GRB10: variants seen among roughly 807,000 people sequenced by gnomAD.
The protein encoded by GRB10 is growth factor receptor-bound protein 10.
A neutral mutation model predicts 80.9 loss-of-function variants in GRB10; 20 were observed. The observed-to-expected ratio is 0.25, with a 90% CI of 0.17 to 0.36. GRB10 has a LOEUF of 0.36. Among genes scored for constraint, GRB10 ranks in the 10% least tolerant of loss-of-function variants. The pLI, the probability that GRB10 is intolerant of heterozygous loss-of-function variation, is 1.00. For missense variants in GRB10, 548 were observed against 747.7 expected (o/e 0.73, Z 3.12); for synonymous variants, 291 against 291.5 (o/e 1.00, Z 0.02).
chr7:50,603,275 A>G (rs2047933484), intron 17 of GRB10, among the ~76,000 whole-genome samples: 1 of 152,122 alleles, frequency 6.6e-6, no homozygotes, highest in Non-Finnish European at 1.5e-5. Context: ...CCCTGTCCCT[A>G]TATCCACACT....
chr7:50,620,617 C>A (rs2051530081), intron 8 of GRB10, among the ~76,000 whole-genome samples: 1 of 152,198 alleles, frequency 6.6e-6, no homozygotes, highest in Non-Finnish European at 1.5e-5. Flanking sequence ...CTCCCCGTGG[C>A]TGCCAGAAAG....
In GRB10 at chr7:50,782,173, T is replaced by A. The variant is rs2078353065; in HGVS notation, c.-327+251A>T. On this transcript the variant is annotated intron_variant, in intron 1 of 18. Transcript: ENST00000401949. This position sits in a 1 kb window ranked among gnomAD's most constrained non-coding sequence, Gnocchi z 6.6. ...TACTCGTTACATAATATTAAACAAT[T>A]AAGATTAAAAATGGTTACATAATAC... Among the ~76,000 whole-genome samples, 1 of 152,106 alleles carries A rather than the reference T, an allele frequency of 6.6e-6. No individual in the cohort carries two copies. Among genetic ancestry groups the A allele is most frequent in the African/African-American group, 2.4e-5 (1 of 41,432 alleles).
At position 50,642,354 on chromosome 7, in the gene GRB10, GCA is replaced by G. The variant is rs1304967390; in HGVS notation, c.505-15378_505-15377del. The stretch of plus-strand genomic sequence containing the variant: ...CACATATGCATACAGATACACAAAT[GCA>G]CACACATATATGCCGTATACACCTA... On this transcript the variant is annotated intron_variant, in intron 7 of 18. Coordinates refer to ENST00000401949, the MANE Select transcript of GRB10 (RefSeq NM_001350814.2). Among the ~76,000 whole-genome samples, 3 of 151,206 alleles carry G rather than the reference GCA, an allele frequency of 2.0e-5. No homozygotes were observed. In the East Asian group the frequency reaches 5.8e-4, roughly 29 times the overall value.
rs77946916 is a variant in GRB10 at position 50,660,625 on chromosome 7, C to A, written c.504+9097G>T. Reference sequence around the variant, plus strand: ...CCACACCGTGGCCTCTCGGTGCAGACGGGAAATGGTTACAGGCAGGTGGCT... The same window carrying A: ...CCACACCGTGGCCTCTCGGTGCAGAAGGGAAATGGTTACAGGCAGGTGGCT... On this transcript the variant is annotated intron_variant, in intron 7 of 18. Coordinates refer to ENST00000401949, the MANE Select transcript of GRB10 (RefSeq NM_001350814.2). Among the ~76,000 whole-genome samples, 888 of 152,190 alleles carry A rather than the reference C, an allele frequency of 5.8e-3. 12 individuals are homozygous for A. The highest frequency in any genetic ancestry group is 0.021 in the African/African-American group (857 of 41,508).
intron 7 of GRB10, among the ~76,000 whole-genome samples, chr7:50,637,816 G>A (rs1031309496): frequency 1.4e-5 from 2 of 145,328 alleles, no homozygotes; most frequent in Non-Finnish European, 3.0e-5. Context: ...CATGGCTCAA[G>A]GAACTAAAAC....
chr7:50,776,725 G>GGA (rs2077692264), intron 2 of GRB10, among the ~76,000 whole-genome samples: 1 of 152,184 alleles, frequency 6.6e-6, no homozygotes, highest in South Asian at 2.1e-4. Context: ...TTGCGCCTTT[G>GGA]TAGCAAGGAC....
At chr7:50,777,372 C>T (rs905233217) in intron 2 of GRB10, among the ~76,000 whole-genome samples, 1 of 151,152 alleles carries the variant, frequency 6.6e-6, no homozygotes, top group African/African-American at 2.4e-5. Context: ...ATCACGTTGG[C>T]CATTAGGTTT....
At chr7:50,668,450 G>C (rs1038365949) in intron 7 of GRB10, among the ~76,000 whole-genome samples, 1 of 152,178 alleles carries the variant, frequency 6.6e-6, no homozygotes, top group African/African-American at 2.4e-5. Flanking sequence ...CACAGGCTCC[G>C]ATTCTGAGGC....
chr7:50,614,945 T>TGA, intron 11 of GRB10, 65 bp from the exon 12 acceptor site: 12 of 987,816 alleles, frequency 1.2e-5, no homozygotes, highest in Non-Finnish European at 2.0e-5. Flanking sequence ...TCACCTCTGG[T>TGA]AGACAGAGGG....
At chr7:50,777,124 G>C (rs1266369377) in intron 2 of GRB10, among the ~76,000 whole-genome samples, 1 of 152,176 alleles carries the variant, frequency 6.6e-6, no homozygotes, top group African/African-American at 2.4e-5. Context: ...TTCTGGAAGA[G>C]AGGAAGTCCA....
intron 5 of GRB10, among the ~76,000 whole-genome samples, chr7:50,676,520 C>T (rs2060972481): frequency 6.6e-6 from 1 of 152,174 alleles, no homozygotes; most frequent in African/African-American, 2.4e-5. Flanking sequence ...AGAATTAAAT[C>T]ACCTGCCCAA....
chr7:50,632,067 T>TAC (rs1471752349), intron 7 of GRB10, among the ~76,000 whole-genome samples: 1 of 152,198 alleles, frequency 6.6e-6, no homozygotes, highest in East Asian at 1.9e-4. Flanking sequence ...TGGGGTAAAT[T>TAC]ACATTTACTT....
At chr7:50,606,985 G>A (rs1227909845) in intron 13 of GRB10, 1 of 163,416 alleles carries the variant, frequency 6.1e-6, no homozygotes, top group Non-Finnish European at 1.3e-5. Flanking sequence ...GGGTCCCATG[G>A]TGTTCTTTAA....
chr7:50,775,438 A>G (rs963511414), intron 2 of GRB10, among the ~76,000 whole-genome samples: 3 of 152,144 alleles, frequency 2.0e-5, no homozygotes, highest in African/African-American at 7.2e-5. Context: ...CACAGGTTGC[A>G]GTTGGGTACC....
chr7:50,619,233 G>A lies in GRB10; in HGVS notation c.714C>T (p.Ala238=). The A allele has an allele frequency of 6.2e-7, 1 of 1,613,680 alleles. No homozygotes were observed. The highest frequency in any genetic ancestry group is 8.5e-7 in the Non-Finnish European group (1 of 1,179,790). The change falls in exon 9 of 19, where the codon GCC becomes GCT. Residue 238 remains alanine, a synonymous_variant. Transcript: ENST00000401949. ...TCCTGAATAGAAATTTACTCTCACT[G>A]GCCATGGTACTCTCCACCTGGACCA... ...ELVVQVESTM[A]SESKFLFRKN...
At chr7:50,716,385 C>T (rs2066879294) in intron 4 of GRB10, among the ~76,000 whole-genome samples, 1 of 152,078 alleles carries the variant, frequency 6.6e-6, no homozygotes, top group Non-Finnish European at 1.5e-5. Flanking sequence ...AGAATAGCCC[C>T]CTCCCAAGAA....
intron 4 of GRB10, among the ~76,000 whole-genome samples, chr7:50,718,156 G>A (rs181529608): frequency 6.6e-6 from 1 of 152,334 alleles, no homozygotes; most frequent in East Asian, 1.9e-4. Context: ...CAGCAGGAAG[G>A]AAGAAAGGGA....
At chr7:50,646,767 T>C (rs545498773) in intron 7 of GRB10, among the ~76,000 whole-genome samples, 38 of 152,322 alleles carry the variant, frequency 2.5e-4, no homozygotes, top group African/African-American at 8.2e-4. Context: ...TGCATTCATG[T>C]TCCTGGAGGC....
At chr7:50,742,255 ACGCGCACG>A (rs55963193) in intron 3 of GRB10, among the ~76,000 whole-genome samples, 22 of 33,274 alleles carry the variant, frequency 6.6e-4, no homozygotes, top group South Asian at 2.5e-3. Flanking sequence ...GTGTAAACAC[ACGCGCACG>A]CGCGCGCGCA....
Sources: allele counts gnomAD v4.1 joint callset (sites outside exome capture counted in the v4.1 genomes callset), GRCh38; gene constraint gnomAD v4.1.1; non-coding constraint Gnocchi (gnomAD v3.1); transcripts MANE v1.5; gene names NCBI Gene and HGNC (gene_info 2026-07-23, HGNC 2026-07-21).